CAMKK2: variants seen among roughly 807,000 people sequenced by gnomAD.
CAMKK2 encodes the protein calcium/calmodulin-dependent protein kinase kinase 2.
A neutral mutation model predicts 67.2 loss-of-function variants in CAMKK2; 30 were observed. That is an observed-to-expected ratio of 0.45 (90% CI 0.33 to 0.61). The LOEUF is 0.61. Among genes scored for constraint, CAMKK2 ranks in the 20% least tolerant of loss-of-function variants. The probability of loss-of-function intolerance (pLI) is 0.02; values close to 1 mark genes in which losing one functional copy is unlikely to be tolerated. For missense variants in CAMKK2, 643 were observed against 802.0 expected, an observed-to-expected ratio of 0.80 and a Z score of 2.39; for synonymous variants, 322 against 326.2, an observed-to-expected ratio of 0.99 and a Z score of 0.14.
At chr12:121,272,375 A>G (rs1895953664) in intron 2 of CAMKK2, among the ~76,000 whole-genome samples, 2 of 152,364 alleles carry the variant, frequency 1.3e-5, no homozygotes, top group East Asian at 1.9e-4. Flanking sequence ...ACGCCACAAC[A>G]TGGATAAATC....
At chr12:121,294,200 T>C (rs1021566376) in intron 1 of CAMKK2, among the ~76,000 whole-genome samples, 13 of 152,210 alleles carry the variant, frequency 8.5e-5, no homozygotes, top group African/African-American at 3.1e-4. Context: ...CCCAAAGTGC[T>C]GGGATTACAA....
chr12:121,266,282 G>A (rs1241850860), intron 5 of CAMKK2, among the ~76,000 whole-genome samples: 1 of 152,156 alleles, frequency 6.6e-6, no homozygotes, highest in Non-Finnish European at 1.5e-5. Context: ...TATCGGTTAG[G>A]TTAAGCCACC....
chr12:121,279,971 C>A (rs1435752146), intron 1 of CAMKK2, among the ~76,000 whole-genome samples: 1 of 152,254 alleles, frequency 6.6e-6, no homozygotes, highest in Non-Finnish European at 1.5e-5. Flanking sequence ...GAGGTGCTCC[C>A]GAGCCCGGAC....
intron 1 of CAMKK2, among the ~76,000 whole-genome samples, chr12:121,294,816 T>C (rs1900803856): frequency 1.3e-5 from 2 of 152,204 alleles, no homozygotes; most frequent in Non-Finnish European, 2.9e-5. Context: ...ATGTAACACA[T>C]AGCACAGAAT....
In CAMKK2 at chr12:121,255,560, G is replaced by T. The variant is rs1290746216; in HGVS notation, c.897C>A (p.Gly299=). The change falls in exon 9 of 17, where the codon GGC becomes GGA. Residue 299 remains glycine (G), a synonymous_variant. Coordinates refer to ENST00000404169, the MANE Select transcript of CAMKK2 (RefSeq NM_001270485.2). The stretch of plus-strand genomic sequence containing the variant: ...GCAGGCCCTGCTCACAGTACTCGAT[G>T]CCTTTGATCAGATCCTGGAAGTAGA... ...ARFYFQDLIK[G]IEYLHYQKII... 6.2e-7 allele frequency: 1 copy of T among 1,610,858 alleles called. No homozygotes were observed. Among genetic ancestry groups the T allele is most frequent in the East Asian group, 2.2e-5 (1 of 44,762 alleles).
At chr12:121,251,155 T>TG (rs1262845853) in intron 11 of CAMKK2, among the ~76,000 whole-genome samples, 3 of 152,314 alleles carry the variant, frequency 2.0e-5, no homozygotes, top group African/African-American at 7.2e-5. Context: ...TTAAGAGCAG[T>TG]GACTTGAGCT....
At chr12:121,242,598 G>A (rs1319909363) in intron 16 of CAMKK2, among the ~76,000 whole-genome samples, 1 of 152,132 alleles carries the variant, frequency 6.6e-6, no homozygotes, top group African/African-American at 2.4e-5. Flanking sequence ...GCTGAAGACC[G>A]GTTCTGAAGG....
intron 6 of CAMKK2, among the ~76,000 whole-genome samples, chr12:121,261,169 C>T (rs186482235): frequency 2.6e-5 from 4 of 152,086 alleles, no homozygotes; most frequent in East Asian, 3.9e-4. Flanking sequence ...TCCTCGGTGG[C>T]GTCCTGTACA....
intron 1 of CAMKK2, among the ~76,000 whole-genome samples, chr12:121,284,948 C>T (rs559654338): frequency 6.6e-6 from 1 of 152,352 alleles, no homozygotes; most frequent in African/African-American, 2.4e-5. Context: ...ACACTGCTCG[C>T]ACTCAGTAAA....
At chr12:121,271,508 AAG>A (rs1895785840) in intron 2 of CAMKK2, among the ~76,000 whole-genome samples, 1 of 152,084 alleles carries the variant, frequency 6.6e-6, no homozygotes, top group Non-Finnish European at 1.5e-5. Flanking sequence ...TTTTTTAAAG[AAG>A]GTTGTTCCTA....
chr12:121,288,717 C>CT (rs559453348), intron 1 of CAMKK2, among the ~76,000 whole-genome samples: 53 of 152,162 alleles, frequency 3.5e-4, no homozygotes, highest in Non-Finnish European at 1.6e-4. Context: ...ACACCTTGGC[C>CT]TCCCCACTGA....
chr12:121,238,720 C>G lies in CAMKK2; in HGVS notation c.*1979G>C, dbSNP rs940640816. ...GATGCAGCTGTGTAAACAAGAGAAG[C>G]CCTGCAGAAGCTCTAAGCACTGCTG... is the stretch of plus-strand genomic sequence containing the variant. On this transcript the variant is annotated 3_prime_UTR_variant, in exon 17 of 17. Transcript: ENST00000404169. 1.3e-5 allele frequency: 2 copies of G among 149,238 alleles called. No individual in the cohort carries two copies. The highest frequency in any genetic ancestry group is 4.8e-5 in the African/African-American group (2 of 41,270). The allele number at this position is 149,238 out of a possible 1,614,324, so 9.2% of individuals were successfully genotyped here.
chr12:121,254,024 GTGA>G (rs1419702163), intron 9 of CAMKK2, among the ~76,000 whole-genome samples: 1 of 152,170 alleles, frequency 6.6e-6, no homozygotes, highest in South Asian at 2.1e-4. Flanking sequence ...CATTTCTGGG[GTGA>G]TGATGATGAT....
At chr12:121,269,710 GC>G in intron 3 of CAMKK2, 129 bp from the exon 4 acceptor site, 1 of 717,570 alleles carries the variant, frequency 1.4e-6, no homozygotes, top group Non-Finnish European at 2.4e-6. Context: ...TTTTGTTGGA[GC>G]CCAGGTTTTT....
At chr12:121,284,719 T>C (rs1357533625) in intron 1 of CAMKK2, among the ~76,000 whole-genome samples, 2 of 152,152 alleles carry the variant, frequency 1.3e-5, no homozygotes, top group African/African-American at 4.8e-5. Context: ...TGGACCAAAA[T>C]CTCTAACAAG....
At chr12:121,260,399 G>A in intron 6 of CAMKK2, 44 bp from the exon 7 acceptor site, 1 of 1,567,404 alleles carries the variant, frequency 6.4e-7, no homozygotes, top group Non-Finnish European at 8.7e-7. Context: ...GATGGCGGGG[G>A]AGAAAAAGAG....
rs201551718 is a variant in CAMKK2 at position 121,249,797 on chromosome 12, G to C, written c.1313C>G (p.Pro438Arg). ...CTGAGCCAAGGGTACCTTGATTTCC[G>C]GCACCACGATCCTCGACTCGGGGTT... ...DKNPESRIVVPEIKLHPWVTR... is the reference protein window; with the variant it reads ...DKNPESRIVVREIKLHPWVTR... Residue 438 changes from proline (P) to arginine (R), a missense_variant, in exon 13 of 17, where the codon CCG (proline) becomes CGG (arginine). Pro to Arg is a moderately radical substitution (Grantham distance 103). Transcript: ENST00000404169. 34 of 1,613,914 alleles carry C rather than the reference G, an allele frequency of 2.1e-5. No homozygotes were observed. Among genetic ancestry groups the C allele is most frequent in the Non-Finnish European group, 2.9e-5 (34 of 1,179,958 alleles).
At chr12:121,292,590 T>C (rs1048645465) in intron 1 of CAMKK2, among the ~76,000 whole-genome samples, 7 of 152,196 alleles carry the variant, frequency 4.6e-5, no homozygotes, top group African/African-American at 1.4e-4. Flanking sequence ...AGCAGCACCA[T>C]GCAGCCAGCC....
At chr12:121,248,274 G>A (rs749803595) in intron 14 of CAMKK2, among the ~76,000 whole-genome samples, 2 of 152,162 alleles carry the variant, frequency 1.3e-5, no homozygotes, top group Non-Finnish European at 2.9e-5. Context: ...TTCCAGCTAG[G>A]CGGGAATCCT....
Sources: gnomAD v4.1 joint callset for allele counts (sites outside exome capture counted in the v4.1 genomes callset) on GRCh38, gnomAD v4.1.1 for gene constraint, MANE v1.5 for transcripts, NCBI Gene and HGNC (gene_info 2026-07-23, HGNC 2026-07-21) for gene names.